The following ADRA1B variants were observed in gnomAD, a reference collection of about 807,000 sequenced individuals.
ADRA1B encodes adrenoceptor alpha 1B, also known as alpha-1B adrenergic receptor.
Under a neutral mutation model 17.9 loss-of-function variants are expected in ADRA1B, and 17 were observed. The observed-to-expected ratio is 0.95, with a 90% CI of 0.65 to 1.42. The LOEUF is 1.42. Among genes scored for constraint, ADRA1B ranks in the 40% most tolerant of loss-of-function variants. The pLI, the probability that ADRA1B is intolerant of heterozygous loss-of-function variation, is 0.00. For synonymous variants in ADRA1B, 366 were observed against 327.6 expected, an observed-to-expected ratio of 1.12 and a Z score of -1.27; for missense variants, 681 against 722.1, an observed-to-expected ratio of 0.94 and a Z score of 0.65.
At chr5:159,949,951 C>T (rs898016923) in intron 1 of ADRA1B, among the ~76,000 whole-genome samples, 1 of 152,234 alleles carries the variant, frequency 6.6e-6, no homozygotes, top group Non-Finnish European at 1.5e-5. Context: ...ACCCTACCCA[C>T]TCCCCTCCTG....
At chr5:159,908,596 G>A (rs1025676336) in intron 1 of ADRA1B, among the ~76,000 whole-genome samples, 3 of 152,136 alleles carry the variant, frequency 2.0e-5, no homozygotes, top group Non-Finnish European at 4.4e-5. Flanking sequence ...AGAAGCAGAT[G>A]CCTGTACCAT....
At chr5:159,874,839 C>G (rs1163856508) in intron 1 of ADRA1B, among the ~76,000 whole-genome samples, 1 of 152,118 alleles carries the variant, frequency 6.6e-6, no homozygotes, top group African/African-American at 2.4e-5. Context: ...CCTAGAGGGC[C>G]CCGTTTGAAT....
At chr5:159,866,574 G>A (rs1438965837) in intron 1 of ADRA1B, among the ~76,000 whole-genome samples, 2 of 147,936 alleles carry the variant, frequency 1.4e-5, no homozygotes, top group African/African-American at 5.1e-5. Flanking sequence ...GCAACAGAGT[G>A]AGACTCCATC....
intron 1 of ADRA1B, among the ~76,000 whole-genome samples, chr5:159,930,987 T>A: frequency 6.8e-6 from 1 of 147,604 alleles, no homozygotes; most frequent in East Asian, 1.9e-4. Context: ...AACATATATA[T>A]AATATATATA....
At chr5:159,911,513 C>T (rs990219636), upstream of ADRA1B, among the ~76,000 whole-genome samples, 1 of 152,156 alleles carries the variant, frequency 6.6e-6, no homozygotes, top group Admixed American at 6.5e-5. Flanking sequence ...GGGTGACTTG[C>T]CAGTTAATCT....
the ADRA1B span, among the ~76,000 whole-genome samples, chr5:159,988,633 C>G: frequency 6.6e-6 from 1 of 152,154 alleles, no homozygotes; most frequent in Admixed American, 6.5e-5. Context: ...ACGTCTACAC[C>G]TGAGTCTCTT....
At position 159,965,340 on chromosome 5, in the gene ADRA1B, G is replaced by A. The variant is rs181745597; in HGVS notation, c.950-6539G>A. 4.6e-5 allele frequency among the ~76,000 whole-genome samples: 7 copies of A among 152,294 alleles called. No homozygotes were observed. In the East Asian group the frequency reaches 1.4e-3, roughly 29 times the overall value. On this transcript the variant is annotated intron_variant, in intron 1 of 1. Transcript: ENST00000306675. ...GGAAGCGGAGGCAGGCTCAGGGCCA[G>A]GCTCGGGAACATGCACAGGGGGTTA...
At chr5:159,960,234 G>A (rs1000198034) in intron 1 of ADRA1B, among the ~76,000 whole-genome samples, 1 of 152,206 alleles carries the variant, frequency 6.6e-6, no homozygotes, top group African/African-American at 2.4e-5. Context: ...AGAGAAAAGG[G>A]TATCTCAGAC....
intron 1 of ADRA1B, among the ~76,000 whole-genome samples, chr5:159,901,974 A>C (rs1323203201): frequency 6.6e-6 from 1 of 152,248 alleles, no homozygotes; most frequent in Non-Finnish European, 1.5e-5. Flanking sequence ...GAACTACCAT[A>C]TGATGCAATA....
intron 1 of ADRA1B, among the ~76,000 whole-genome samples, chr5:159,959,418 G>A (rs1454849444): frequency 6.6e-6 from 1 of 152,246 alleles, no homozygotes; most frequent in Non-Finnish European, 1.5e-5. Context: ...CACTGTAACA[G>A]GCTCTGTGTT....
Position 159,972,211 on chromosome 5 carries a change from C to T in ADRA1B, c.1282C>T (p.Pro428Ser). Residue 428 changes from proline to serine, a missense_variant, in exon 2 of 2, where the codon CCG (proline) becomes TCG (serine). Physicochemically the swap from Pro to Ser is moderately conservative, Grantham distance 74 (BLOSUM62 -1). Coordinates refer to ENST00000306675, the MANE Select transcript of ADRA1B (RefSeq NM_000679.4). ...QRTLPSASPS[P>S]GYLGRGAPPP... ...GACCCTGCCCTCGGCCTCGCCGAGC[C>T]CGGGCTACCTGGGCCGCGGCGCGCC... The T allele has an allele frequency of 7.4e-7, 1 of 1,360,360 alleles. No homozygotes were observed. Among genetic ancestry groups the T allele is most frequent in the South Asian group, 1.7e-5 (1 of 60,490 alleles). The allele number at this position is 1,360,360 out of a possible 1,614,324, so 84.3% of individuals were successfully genotyped here.
chr5:159,965,537 A>G (rs1755759373), intron 1 of ADRA1B, among the ~76,000 whole-genome samples: 1 of 152,206 alleles, frequency 6.6e-6, no homozygotes, highest in African/African-American at 2.4e-5. Flanking sequence ...GATCCCTGCC[A>G]CACATCCTCT....
intron 1 of ADRA1B, among the ~76,000 whole-genome samples, chr5:159,966,385 T>C (rs1377374038): frequency 6.6e-6 from 1 of 152,172 alleles, no homozygotes; most frequent in Non-Finnish European, 1.5e-5. Flanking sequence ...AGTACTATTA[T>C]TAGCCCATCT....
At chr5:159,919,614 C>T (rs1037250652) in intron 1 of ADRA1B, among the ~76,000 whole-genome samples, 13 of 152,254 alleles carry the variant, frequency 8.5e-5, no homozygotes, top group African/African-American at 1.4e-4. Context: ...ATCTCCCCTT[C>T]GGTATAACTG....
At chr5:159,939,142 T>G (rs1231144887) in intron 1 of ADRA1B, among the ~76,000 whole-genome samples, 1 of 152,090 alleles carries the variant, frequency 6.6e-6, no homozygotes, top group African/African-American at 2.4e-5. Context: ...CCCTCCAGTC[T>G]TCTTCCACTG....
intron 1 of ADRA1B, among the ~76,000 whole-genome samples, chr5:159,961,146 C>A (rs779340886): frequency 1.3e-5 from 2 of 152,162 alleles, no homozygotes; most frequent in Non-Finnish European, 2.9e-5. Flanking sequence ...TATTATTAAA[C>A]GAGTAAAAAC....
At chr5:159,918,956 C>T (rs752660861) in intron 1 of ADRA1B, among the ~76,000 whole-genome samples, 18 of 144,234 alleles carry the variant, frequency 1.2e-4, no homozygotes, top group African/African-American at 2.0e-4. Context: ...TGCTATACTG[C>T]GGACCACATA....
the ADRA1B span, among the ~76,000 whole-genome samples, chr5:159,984,904 C>CA: frequency 0.018 from 2,433 of 136,694 alleles, 55 homozygotes; most frequent in African/African-American, 0.052. Flanking sequence ...AACTCTATCT[C>CA]AAAAAAAAAA....
chr5:159,909,306 G>A (rs768670188), intron 1 of ADRA1B, among the ~76,000 whole-genome samples: 6 of 152,108 alleles, frequency 3.9e-5, no homozygotes, highest in East Asian at 1.9e-4. Flanking sequence ...GGCAGAAACC[G>A]CCTTCTGACA....
Sources: gnomAD v4.1 joint callset for allele counts (sites outside exome capture counted in the v4.1 genomes callset) on GRCh38, gnomAD v4.1.1 for gene constraint, MANE v1.5 for transcripts, NCBI Gene and HGNC (gene_info 2026-07-23, HGNC 2026-07-21) for gene names.